TDRD1: variants seen among roughly 807,000 people sequenced by gnomAD.
TDRD1 encodes the protein tudor domain containing 1.
In TDRD1, 37 loss-of-function variants were observed where a neutral mutation model predicts 140.6. That is an observed-to-expected ratio of 0.26 (90% confidence interval 0.20 to 0.35). The LOEUF (loss-of-function observed/expected upper bound fraction) is 0.35, where lower values mean the gene tolerates loss of function less well. Among genes scored for constraint, TDRD1 ranks in the 10% least tolerant of loss-of-function variants. The pLI, the probability that TDRD1 is intolerant of heterozygous loss-of-function variation, is 1.00. For synonymous variants in TDRD1, 506 were observed against 475.7 expected (o/e 1.06, Z -0.83); for missense variants, 1,243 against 1,393.0 (o/e 0.89, Z 1.71).
At chr10:114,208,542 T>C (rs1234462320) in intron 11 of TDRD1, among the ~76,000 whole-genome samples, 1 of 152,150 alleles carries the variant, frequency 6.6e-6, no homozygotes, top group Non-Finnish European at 1.5e-5. Flanking sequence ...CATGCTTTTG[T>C]CCCCTCTCCT....
At chr10:114,218,267 G>T (rs2035937534) in intron 17 of TDRD1, 147 bp from the exon 18 acceptor site, 2 of 519,196 alleles carry the variant, frequency 3.9e-6, no homozygotes, top group South Asian at 4.7e-5. Flanking sequence ...AGAGATTTTT[G>T]AATTTTGAAA....
intron 4 of TDRD1, among the ~76,000 whole-genome samples, chr10:114,200,141 T>C (rs1018398013): frequency 6.6e-6 from 1 of 152,218 alleles, no homozygotes; most frequent in Non-Finnish European, 1.5e-5. Context: ...GCCCTTCTCG[T>C]GGATAAGTTG....
chr10:114,229,387 G>A (rs1301431233), intron 25 of TDRD1, among the ~76,000 whole-genome samples: 2 of 151,992 alleles, frequency 1.3e-5, no homozygotes, highest in African/African-American at 4.8e-5. Flanking sequence ...TTTTAAGAAA[G>A]GTCAATTGAA....
chr10:114,201,340 T>G, intron 4 of TDRD1, 70 bp from the exon 5 acceptor site: 1 of 1,249,560 alleles, frequency 8.0e-7, no homozygotes, highest in Non-Finnish European at 1.2e-6. Context: ...TAGAATGATA[T>G]TTGCTAAAGT....
intron 4 of TDRD1, among the ~76,000 whole-genome samples, chr10:114,201,188 C>A (rs2034715558): frequency 2.0e-5 from 3 of 152,072 alleles, no homozygotes; most frequent in Admixed American, 1.3e-4. Context: ...ATTCTGAGGT[C>A]TATTAGGAAA....
At chr10:114,218,724 A>C in intron 18 of TDRD1, 140 bp downstream of exon 18, 3 of 618,712 alleles carry the variant, frequency 4.8e-6, no homozygotes, top group African/African-American at 1.9e-5. Context: ...TTTTACTTAC[A>C]ATATTGACCA....
rs1589696471 is a variant in TDRD1, at chr10:114,212,142, A to C, written c.1831+106A>C. 3.0e-6 allele frequency: 3 copies of C among 995,790 alleles called. No individual in the cohort carries two copies. The African/African-American group carries it at 5.1e-5, about 17-fold the overall frequency. The allele number at this position is 995,790 out of a possible 1,614,324, so 61.7% of individuals were successfully genotyped here. A position where few individuals can be genotyped will look rare whatever the true frequency, so the allele number is the denominator to read the frequency against. ...AGCTGCTTCTCAAAACAACATCATG[A>C]TCAGATGCTTAAAAGTTACTATAAA... On this transcript the variant is annotated intron_variant, in intron 14 of 25. Coordinates refer to ENST00000251864, the Ensembl canonical transcript of TDRD1.
chr10:114,180,366 C>G (rs994371680), intron 1 of TDRD1, among the ~76,000 whole-genome samples: 1 of 152,186 alleles, frequency 6.6e-6, no homozygotes, highest in African/African-American at 2.4e-5. Flanking sequence ...GTGATTTGCC[C>G]AAGATAGCGT....
At chr10:114,185,722 G>A (rs909165068) in intron 1 of TDRD1, among the ~76,000 whole-genome samples, 3 of 151,888 alleles carry the variant, frequency 2.0e-5, no homozygotes, top group African/African-American at 7.2e-5. Flanking sequence ...CAAGTAGCTG[G>A]GATTACAGGC....
chr10:114,187,780 A>C, intron 1 of TDRD1, 46 bp from the exon 2 acceptor site: 1 of 1,472,892 alleles, frequency 6.8e-7, no homozygotes, highest in South Asian at 1.4e-5. Flanking sequence ...GTTCTTCTGA[A>C]ATTTTGAAAT....
intron 5 of TDRD1, among the ~76,000 whole-genome samples, 184 bp from the exon 6 acceptor site, chr10:114,202,054 A>T (rs2034780859): frequency 6.6e-6 from 1 of 152,200 alleles, no homozygotes; most frequent in Admixed American, 6.5e-5. Context: ...ACACCTGTGC[A>T]CACACAGGGT....
At chr10:114,188,008 G>T (rs781068186) in exon 2 of TDRD1, 2 of 1,614,162 alleles carry the variant, frequency 1.2e-6, no homozygotes, top group East Asian at 4.5e-5. Context: ...AAAGCTCAGA[G>T]AATGGAAATA....
At chr10:114,209,179 C>T (rs2035321046) in intron 11 of TDRD1, among the ~76,000 whole-genome samples, 1 of 152,076 alleles carries the variant, frequency 6.6e-6, no homozygotes, top group Non-Finnish European at 1.5e-5. Flanking sequence ...ATGATTGTAC[C>T]TGTTAATAGC....
chr10:114,183,959 T>C (rs1328287967), intron 1 of TDRD1, among the ~76,000 whole-genome samples: 2 of 152,076 alleles, frequency 1.3e-5, no homozygotes, highest in Non-Finnish European at 2.9e-5. Flanking sequence ...TTTTTTGGTA[T>C]TTAGGATTAT....
rs1206815081 is a variant in TDRD1 at position 114,202,365 on chromosome 10, AT to A, written c.696+71del. ...TATTGAATTAAGATGTAAGATAAAT[AT>A]TTTAGGCTTATTTCTGTATTTTATC... On this transcript the variant is annotated intron_variant, in intron 6 of 25. Coordinates refer to ENST00000251864, the Ensembl canonical transcript of TDRD1. The A allele has an allele frequency of 3.3e-5, 37 of 1,131,752 alleles. No individual in the cohort carries two copies. In the African/African-American group the frequency reaches 4.7e-4, roughly 14 times the overall value. 70.1% of individuals were successfully genotyped at this position (1,131,752 alleles called of 1,614,324 possible). A position where few individuals can be genotyped will look rare whatever the true frequency, so the allele number is the denominator to read the frequency against.
intron 22 of TDRD1, 30 bp from the exon 23 acceptor site, chr10:114,227,042 C>A: frequency 8.5e-7 from 1 of 1,170,814 alleles, no homozygotes; most frequent in Non-Finnish European, 1.2e-6. Flanking sequence ...TTAAAAGGGA[C>A]TAAAAGACTA....
chr10:114,211,758 CTATT>C (rs1430433135), intron 13 of TDRD1, 104 bp from the exon 14 acceptor site: 2 of 1,122,702 alleles, frequency 1.8e-6, no homozygotes, highest in Middle Eastern at 2.1e-4. Context: ...AGCTTGATAT[CTATT>C]AAAGAAAAAT....
At chr10:114,213,311 A>T (rs747358036) in intron 14 of TDRD1, 35 bp from the exon 15 acceptor site, 2 of 1,583,246 alleles carry the variant, frequency 1.3e-6, no homozygotes, top group Non-Finnish European at 1.7e-6. Context: ...ATGCTTTCAG[A>T]ATAATTGTAA....
chr10:114,206,639 G>A (rs1349778507), intron 11 of TDRD1, among the ~76,000 whole-genome samples: 1 of 131,892 alleles, frequency 7.6e-6, no homozygotes, highest in Admixed American at 8.4e-5. Context: ...TTGAGATGGA[G>A]TTTCACTCTT....
Sources: gnomAD v4.1 joint callset for allele counts (sites outside exome capture counted in the v4.1 genomes callset) on GRCh38, gnomAD v4.1.1 for gene constraint, MANE v1.5 for transcripts, NCBI Gene and HGNC (gene_info 2026-07-23, HGNC 2026-07-21) for gene names.